WDR17: variants seen among roughly 807,000 people sequenced by gnomAD.
WDR17 encodes the protein WD repeat domain 17, also known as WD repeat-containing protein 17.
WDR17 carries 143 observed loss-of-function variants against 161.7 expected under a neutral mutation model. That is an observed-to-expected ratio of 0.88 (90% CI 0.77 to 1.02). The LOEUF is 1.02. WDR17 is among the 50% of genes least tolerant of loss of function. The pLI is 0.00. For missense variants in WDR17, 1,469 were observed against 1,520.9 expected (o/e 0.97, Z 0.57); for synonymous variants, 517 against 515.6 (o/e 1.00, Z -0.04).
At position 176,179,473 on chromosome 4, in the gene WDR17, T is replaced by G. The variant is rs1230625628; in HGVS notation, c.3746T>G (p.Phe1249Cys). 1.6e-5 allele frequency: 25 copies of G among 1,599,896 alleles called. No homozygotes were observed. The highest frequency in any genetic ancestry group is 6.8e-5 in the Admixed American group (4 of 58,800). The change falls in exon 29 of 29, where the codon TTC (phenylalanine) becomes TGC (cysteine). Residue 1249 changes from phenylalanine (F) to cysteine (C), a missense_variant. Transcript: ENST00000508596. ...CTCACTGTGCAGGGCCCTGTGTTTT[T>G]CCTTGAAGACGGGAAATCTGCTATC... ...TGLKIQGPVF[F>C]LEDGKSAISL...
At chr4:176,085,133 T>C (rs549269956) in intron 1 of WDR17, among the ~76,000 whole-genome samples, 41 of 151,984 alleles carry the variant, frequency 2.7e-4, no homozygotes, top group African/African-American at 9.9e-4. Context: ...TTTTCATACA[T>C]AAAAAAAATC....
At position 176,182,210 on chromosome 4, in the gene WDR17, A is replaced by G. The variant is rs1009330162; in HGVS notation, c.*2631A>G. On this transcript the variant is annotated 3_prime_UTR_variant, in exon 29 of 29. Coordinates refer to ENST00000508596, the MANE Select transcript of WDR17 (RefSeq NM_181265.4). This position sits in a 1 kb window ranked among gnomAD's most constrained non-coding sequence, Gnocchi z 4.2. ...CTGTAAAGGAAGAGTCTCATTAGACAATGATTTTTAAAGCATTGGAAAAAT... is the reference window on the plus strand; with the variant it reads ...CTGTAAAGGAAGAGTCTCATTAGACGATGATTTTTAAAGCATTGGAAAAAT... 6.6e-6 allele frequency: 1 copy of G among 152,070 alleles called. No individual in the cohort carries two copies. Among genetic ancestry groups the G allele is most frequent in the Admixed American group, 6.6e-5 (1 of 15,256 alleles). 9.4% of individuals were successfully genotyped at this position (152,070 alleles called of 1,614,324 possible). A position where few individuals can be genotyped will look rare whatever the true frequency, so the allele number is the denominator to read the frequency against.
rs1742280736 is a variant in WDR17, at chr4:176,125,330, T to G, written c.765T>G (p.Ser255Arg). 2 of 1,614,132 alleles carry G rather than the reference T, an allele frequency of 1.2e-6. No homozygotes were observed. Among genetic ancestry groups the G allele is most frequent in the Non-Finnish European group, 1.7e-6 (2 of 1,180,002 alleles). The stretch of plus-strand genomic sequence containing the variant: ...TACAGTGCTTAGCCTGGGTTCCCAG[T>G]GCTCCTGGGATGTTTATAACTGGAG... ...ASVQCLAWVPSAPGMFITGDS... is the reference protein window; with the variant it reads ...ASVQCLAWVPRAPGMFITGDS... The change falls in exon 5 of 29, where the codon AGT becomes AGG. Residue 255 changes from serine (S) to arginine (R), a missense_variant. Ser to Arg is a moderately radical substitution (Grantham distance 110, BLOSUM62 -1). Transcript: ENST00000508596.
chr4:176,156,029 C>T (rs753389774), intron 17 of WDR17, 50 bp from the exon 18 acceptor site: 1 of 1,574,690 alleles, frequency 6.4e-7, no homozygotes, highest in Non-Finnish European at 8.7e-7. Flanking sequence ...AAGAATTACA[C>T]AGAGCAACCA....
chr4:176,149,104 C>A (rs1021260145), intron 13 of WDR17, among the ~76,000 whole-genome samples: 1 of 152,100 alleles, frequency 6.6e-6, no homozygotes, highest in Non-Finnish European at 1.5e-5. Context: ...TTAACTAGAA[C>A]GTCATCTGCC....
chr4:176,108,568 G>A (rs1302390064), intron 1 of WDR17, among the ~76,000 whole-genome samples: 1 of 152,012 alleles, frequency 6.6e-6, no homozygotes, highest in Non-Finnish European at 1.5e-5. Context: ...GTAAACTGTG[G>A]ACTTTGAGTG....
At position 176,096,250 on chromosome 4, in the gene WDR17, A is replaced by T. The variant is rs548779276; in HGVS notation, c.-6-15325A>T. Among the ~76,000 whole-genome samples, 140 of 152,206 alleles carry T rather than the reference A, an allele frequency of 9.2e-4. 2 individuals carry two copies. Among genetic ancestry groups the T allele is most frequent in the African/African-American group, 3.2e-3 (135 of 41,566 alleles). On this transcript the variant is annotated intron_variant, in intron 1 of 28. Transcript: ENST00000508596. ...CTAAGATTGTTTTTTAAGAATGTAA[A>T]CAGAAAGGTTAATAAAATATTTGAT...
chr4:176,168,685 G>T lies in WDR17; in HGVS notation c.3004G>T (p.Asp1002Tyr). The change falls in exon 23 of 29, where the codon GAT becomes TAT. Residue 1002 changes from aspartate (D) to tyrosine (Y), a missense_variant. Asp to Tyr is a radical substitution (Grantham distance 160). Coordinates refer to ENST00000508596, the MANE Select transcript of WDR17 (RefSeq NM_181265.4). ...MMISVWNLAA[D>Y]LLLMIPDNEL... ...TTACGTTAACAGGAATTTGGCAGCT[G>T]ATCTTCTTCTGATGATTCCTGATAA... The T allele has an allele frequency of 6.2e-7, 1 of 1,613,538 alleles. No individual in the cohort carries two copies. The highest frequency in any genetic ancestry group is 8.5e-7 in the Non-Finnish European group (1 of 1,179,744).
chr4:176,163,494 G>A (rs1316593527), intron 22 of WDR17, among the ~76,000 whole-genome samples: 1 of 152,154 alleles, frequency 6.6e-6, no homozygotes, highest in Non-Finnish European at 1.5e-5. Flanking sequence ...AATTTGCCAT[G>A]ATCCATTCTG....
chr4:176,097,720 T>TACTTAC (rs1554018051), intron 1 of WDR17, among the ~76,000 whole-genome samples: 1 of 129,976 alleles, frequency 7.7e-6, no homozygotes, highest in African/African-American at 2.8e-5. Context: ...AAGCCCCACT[T>TACTTAC]ACACACACAC....
chr4:176,073,162 G>GT (rs1357507177), intron 1 of WDR17, among the ~76,000 whole-genome samples: 1 of 151,950 alleles, frequency 6.6e-6, no homozygotes, highest in Non-Finnish European at 1.5e-5. Context: ...GTGCAGGTTT[G>GT]TTACATATGT....
intron 23 of WDR17, among the ~76,000 whole-genome samples, chr4:176,170,255 AT>A (rs1237661964): frequency 6.6e-6 from 1 of 151,464 alleles, no homozygotes; most frequent in Non-Finnish European, 1.5e-5. Flanking sequence ...TATATGTACT[AT>A]TTTTTTATTC....
intron 7 of WDR17, 37 bp from the exon 8 acceptor site, chr4:176,135,071 C>A: frequency 1.3e-6 from 2 of 1,593,160 alleles, no homozygotes; most frequent in Non-Finnish European, 1.7e-6. Context: ...TGTGAATTTT[C>A]CTCAATAATT....
chr4:176,092,087 AC>A, intron 1 of WDR17, among the ~76,000 whole-genome samples: 1 of 152,262 alleles, frequency 6.6e-6, no homozygotes. Flanking sequence ...ATACTTCCAA[AC>A]CCATTCTTTG....
chr4:176,160,817 T>C lies in WDR17; in HGVS notation c.2659-94T>C, dbSNP rs1748918886. 4.0e-6 allele frequency: 4 copies of C among 1,000,794 alleles called. No homozygotes were observed. The Admixed American group carries it at 8.4e-5, about 21-fold the overall frequency. 62.0% of individuals were successfully genotyped at this position (1,000,794 alleles called of 1,614,324 possible). A position where few individuals can be genotyped will look rare whatever the true frequency, so the allele number is the denominator to read the frequency against. On this transcript the variant is annotated intron_variant, in intron 19 of 28. Transcript: ENST00000508596. ...CAAATTATAGTATAAATTTCAAACA[T>C]TATTTAAGTATACTTTGCTCAAAAT...
At chr4:176,136,141 A>G (rs905972051) in intron 8 of WDR17, among the ~76,000 whole-genome samples, 6 of 151,612 alleles carry the variant, frequency 4.0e-5, no homozygotes, top group Admixed American at 1.3e-4. Context: ...GAGTTTCATG[A>G]TACGAAAAAG....
At position 176,173,373 on chromosome 4, in the gene WDR17, A is replaced by C. The variant is rs760970361; in HGVS notation, c.3347+4A>C. 1 of 1,588,954 alleles carries C rather than the reference A, an allele frequency of 6.3e-7. No homozygotes were observed. Among genetic ancestry groups the C allele is most frequent in the Non-Finnish European group, 8.6e-7 (1 of 1,164,864 alleles). On this transcript the variant is annotated splice_donor_region_variant and intron_variant, in intron 25 of 28. Transcript: ENST00000508596. ...TACTCTTGCATACGTGTACTGAGTGAGTATTTTTTCTGCAAAATATATAAG... is the reference window on the plus strand; with the variant it reads ...TACTCTTGCATACGTGTACTGAGTGCGTATTTTTTCTGCAAAATATATAAG...
chr4:176,127,588 G>A (rs1225990778), intron 5 of WDR17, among the ~76,000 whole-genome samples: 2 of 152,114 alleles, frequency 1.3e-5, no homozygotes, highest in East Asian at 3.9e-4. Context: ...GAGCCATCAT[G>A]CCCAGCCCAA....
intron 1 of WDR17, among the ~76,000 whole-genome samples, chr4:176,109,328 A>G (rs1739320012): frequency 6.6e-6 from 1 of 152,176 alleles, no homozygotes; most frequent in Non-Finnish European, 1.5e-5. Context: ...AAGTGTAAAA[A>G]AAAAAAGAAG....
Sources: allele counts gnomAD v4.1 joint callset (sites outside exome capture counted in the v4.1 genomes callset), GRCh38; gene constraint gnomAD v4.1.1; non-coding constraint Gnocchi (gnomAD v3.1); transcripts MANE v1.5; gene names NCBI Gene and HGNC (gene_info 2026-07-23, HGNC 2026-07-21).